MAMLD1: variants seen among roughly 807,000 people sequenced by gnomAD.
The protein encoded by MAMLD1 is mastermind like domain containing 1.
MAMLD1 carries 14 observed loss-of-function variants against 45.0 expected under a neutral mutation model. That is an observed-to-expected ratio of 0.31 (90% confidence interval 0.21 to 0.49). The LOEUF (loss-of-function observed/expected upper bound fraction) is 0.49, where lower values mean the gene tolerates loss of function less well. Among genes scored for constraint, MAMLD1 ranks in the 20% least tolerant of loss-of-function variants. The pLI is 0.99. For synonymous variants in MAMLD1, 254 were observed against 247.8 expected (o/e 1.02, Z -0.24); for missense variants, 543 against 603.6 (o/e 0.90, Z 1.05).
At chrX:150,467,285 G>A (rs1258921458) in intron 3 of MAMLD1, among the ~76,000 whole-genome samples, 2 of 112,078 alleles carry the variant, frequency 1.8e-5, no homozygotes, top group African/African-American at 6.5e-5. Flanking sequence ...TGAGTAAATG[G>A]CTGAGCTCCC....
chrX:150,390,553 G>A lies in MAMLD1; in HGVS notation c.-64+27023G>A, dbSNP rs150623627. 5.1e-3 allele frequency among the ~76,000 whole-genome samples: 570 copies of A among 111,892 alleles called. 2 individuals carry two copies. Among genetic ancestry groups the A allele is most frequent in the African/African-American group, 0.018 (549 of 30,831 alleles). On this transcript the variant is annotated intron_variant, in intron 1 of 7. Coordinates refer to ENST00000370401, the MANE Select transcript of MAMLD1 (RefSeq NM_005491.5). ...TTTACAGTCTACATTTTATAAGTTC[G>A]AGTGAAGTGTGGAAATTTTACTTCC... is the stretch of plus-strand genomic sequence containing the variant.
chrX:150,417,369 A>G (rs28864775), intron 1 of MAMLD1, among the ~76,000 whole-genome samples: 25,542 of 101,763 alleles, frequency 0.25, 2,918 homozygotes, highest in Middle Eastern at 0.33. Flanking sequence ...ATAGTATTCC[A>G]TGGTGTATAT....
intron 1 of MAMLD1, among the ~76,000 whole-genome samples, chrX:150,412,936 G>T (rs929552588): frequency 2.7e-5 from 3 of 110,770 alleles, no homozygotes; most frequent in African/African-American, 9.9e-5. Flanking sequence ...TGTTGCCCAG[G>T]CTGGTCTTGG....
chrX:150,364,545 C>T (rs181981863), intron 1 of MAMLD1, among the ~76,000 whole-genome samples: 1 of 112,177 alleles, frequency 8.9e-6, no homozygotes, highest in Non-Finnish European at 1.9e-5. Context: ...TGTGAGCGGG[C>T]GGGAGCACAG....
intron 1 of MAMLD1, among the ~76,000 whole-genome samples, chrX:150,372,825 G>A (rs984510024): frequency 8.9e-6 from 1 of 112,046 alleles, no homozygotes; most frequent in South Asian, 3.7e-4. Flanking sequence ...GACAGTTCTC[G>A]AAATGAGCCC....
At chrX:150,504,198 C>T (rs1189320672) in intron 6 of MAMLD1, 4 of 752,309 alleles carry the variant, frequency 5.3e-6, no homozygotes, top group Non-Finnish European at 6.3e-6. Flanking sequence ...AGAGTCGCAT[C>T]AGTGGTCATG....
At chrX:150,380,270 T>C (rs1376791900) in intron 1 of MAMLD1, among the ~76,000 whole-genome samples, 1 of 112,042 alleles carries the variant, frequency 8.9e-6, no homozygotes, top group Non-Finnish European at 1.9e-5. Flanking sequence ...ATTTTTCTAA[T>C]TAGGAGTGGC....
chrX:150,402,378 T>C (rs1443355429), intron 1 of MAMLD1, among the ~76,000 whole-genome samples: 8 of 106,913 alleles, frequency 7.5e-5, no homozygotes, highest in Non-Finnish European at 1.5e-4. Flanking sequence ...TGAGATACCA[T>C]CTCACACCAG....
chrX:150,435,029 A>C (rs2035076108), intron 1 of MAMLD1, among the ~76,000 whole-genome samples: 1 of 111,183 alleles, frequency 9.0e-6, no homozygotes, highest in South Asian at 3.8e-4. Context: ...TCCCACTATT[A>C]TTGTGTGGTT....
At chrX:150,436,473 C>T (rs1188594521) in intron 1 of MAMLD1, among the ~76,000 whole-genome samples, 3 of 111,951 alleles carry the variant, frequency 2.7e-5, no homozygotes, top group African/African-American at 9.7e-5. Context: ...AGCCAGTCTT[C>T]AAGCTCTGAG....
At chrX:150,368,663 T>C (rs1196332149) in intron 1 of MAMLD1, among the ~76,000 whole-genome samples, 2 of 112,074 alleles carry the variant, frequency 1.8e-5, no homozygotes, top group Admixed American at 1.9e-4. Context: ...TGGCATTGCC[T>C]AGGTTTTCTT....
chrX:150,431,813 TC>T (rs1250695319), intron 1 of MAMLD1, among the ~76,000 whole-genome samples: 1 of 110,996 alleles, frequency 9.0e-6, no homozygotes, highest in Non-Finnish European at 1.9e-5. Flanking sequence ...CTTTATCCAG[TC>T]TACTTTTGAT....
chrX:150,471,744 G>A (rs1324328238), intron 4 of MAMLD1, among the ~76,000 whole-genome samples: 2 of 112,084 alleles, frequency 1.8e-5, no homozygotes, highest in African/African-American at 6.5e-5. Flanking sequence ...CACCCACAAG[G>A]TGCTCCCGGT....
At chrX:150,485,185 A>T (rs2036948046) in intron 5 of MAMLD1, among the ~76,000 whole-genome samples, 1 of 111,494 alleles carries the variant, frequency 9.0e-6, no homozygotes, top group African/African-American at 3.3e-5. Flanking sequence ...GCCCGAGCTC[A>T]TTGTCCAAGC....
rs201792210 is a variant in MAMLD1, at chrX:150,397,469, A to AT, written c.-64+33947dup. Among the ~76,000 whole-genome samples the AT allele has an allele frequency of 5.0e-3, 559 of 110,952 alleles. 2 individuals carry two copies. The highest frequency in any genetic ancestry group is 0.018 in the African/African-American group (535 of 30,493). On this transcript the variant is annotated intron_variant, in intron 1 of 7. Transcript: ENST00000370401. ...CATGTCACGTTTATTTCTAAGGATG[A>AT]TTTTTTTTGTAGATAAGGTTTTATT...
chrX:150,367,587 C>T lies in MAMLD1; in HGVS notation c.-64+4057C>T, dbSNP rs782303678. ...TTTTTTTATTATTGCACTTTAAGTT[C>T]TAGGGTACATGTGCACAACGTGCAG... On this transcript the variant is annotated intron_variant, in intron 1 of 7. Transcript: ENST00000370401. Among the ~76,000 whole-genome samples, 9 of 111,421 alleles carry T rather than the reference C, an allele frequency of 8.1e-5. No homozygotes were observed. The East Asian group carries it at 1.1e-3, about 14-fold the overall frequency.
chrX:150,470,121 T>C lies in MAMLD1; in HGVS notation c.548T>C (p.Leu183Pro). 1 of 1,211,153 alleles carries C rather than the reference T, an allele frequency of 8.3e-7. No homozygotes were observed. Among genetic ancestry groups the C allele is most frequent in the East Asian group, 3.0e-5 (1 of 33,782 alleles). ...DQELQELLEE[L>P]TKIQDPSPNE... ...GAGCTTCAAGAGCTGCTAGAGGAGC[T>C]CACCAAAATTCAAGACCCTTCTCCA... The change falls in exon 4 of 8, where the codon CTC becomes CCC. Residue 183 changes from leucine to proline, a missense_variant. Coordinates refer to ENST00000370401, the MANE Select transcript of MAMLD1 (RefSeq NM_005491.5).
Position 150,471,115 on chromosome X carries a change from A to G in MAMLD1, c.1542A>G (p.Ser514=). ...NVIFKPISSN[S]SKTLSMIMQQ... ...TCTTTAAGCCCATAAGCAGCAACTCATCCAAAACCCTGAGCATGATCATGC... is the reference window on the plus strand; with the variant it reads ...TCTTTAAGCCCATAAGCAGCAACTCGTCCAAAACCCTGAGCATGATCATGC... Residue 514 remains serine, a synonymous_variant, in exon 4 of 8, where the codon TCA becomes TCG. Coordinates refer to ENST00000370401, the MANE Select transcript of MAMLD1 (RefSeq NM_005491.5). The G allele has an allele frequency of 1.7e-6, 2 of 1,210,823 alleles. No individual in the cohort carries two copies. Among genetic ancestry groups the G allele is most frequent in the Non-Finnish European group, 2.2e-6 (2 of 895,225 alleles).
intron 1 of MAMLD1, among the ~76,000 whole-genome samples, chrX:150,394,127 TC>T (rs1230603675): frequency 2.0e-4 from 13 of 65,827 alleles, no homozygotes; most frequent in African/African-American, 7.1e-4. Flanking sequence ...TATATCTACA[TC>T]CTTTTTTTTT....
Sources: gnomAD v4.1 joint callset for allele counts (sites outside exome capture counted in the v4.1 genomes callset) on GRCh38, gnomAD v4.1.1 for gene constraint, MANE v1.5 for transcripts, NCBI Gene and HGNC (gene_info 2026-07-23, HGNC 2026-07-21) for gene names.